Variants in MAGI2 observed in about 807,000 individuals in gnomAD.
MAGI2 encodes the protein membrane-associated guanylate kinase, WW and PDZ domain-containing protein 2.
A neutral mutation model predicts 133.3 loss-of-function variants in MAGI2; 35 were observed. The ratio of observed to expected loss-of-function variants is 0.26; its 90% CI spans 0.20 to 0.35. The LOEUF (loss-of-function observed/expected upper bound fraction) is 0.35. Among genes scored for constraint, MAGI2 ranks in the 10% least tolerant of loss-of-function variants. The probability of loss-of-function intolerance (pLI) is 1.00; values close to 1 mark genes in which losing one functional copy is unlikely to be tolerated. For missense variants in MAGI2, 1,636 were observed against 1,863.4 expected (o/e 0.88, Z 2.25); for synonymous variants, 729 against 710.6 (o/e 1.03, Z -0.41).
In MAGI2 at chr7:78,501,645, C is replaced by T. The variant is rs1794633664; in HGVS notation, c.897G>A (p.Glu299=). 1 of 1,614,162 alleles carries T rather than the reference C, an allele frequency of 6.2e-7. No homozygotes were observed. Among genetic ancestry groups the T allele is most frequent in the Non-Finnish European group, 8.5e-7 (1 of 1,180,034 alleles). The change falls in exon 5 of 22, where the codon GAG becomes GAA. Residue 299 remains glutamate, a synonymous_variant. Transcript: ENST00000354212. ...AGTTATCAGGCAATGGGTCTGGTTCCTCATTGTCTTCAGGTTTAGTTGGCT... is the reference window on the plus strand; with the variant it reads ...AGTTATCAGGCAATGGGTCTGGTTCTTCATTGTCTTCAGGTTTAGTTGGCT... The part of the protein sequence containing the change: ...DTKPTKPEDN[E]EPDPLPDNWE...
At chr7:78,643,276 T>C (rs941792229) in intron 2 of MAGI2, among the ~76,000 whole-genome samples, 1 of 152,194 alleles carries the variant, frequency 6.6e-6, no homozygotes, top group Non-Finnish European at 1.5e-5. Context: ...CACCAAGGAC[T>C]GATATCTTTG....
At chr7:79,232,657 T>C (rs1337877957) in intron 1 of MAGI2, among the ~76,000 whole-genome samples, 135 of 118,790 alleles carry the variant, frequency 1.1e-3, no homozygotes, top group African/African-American at 4.4e-3. Context: ...TATCATTTTT[T>C]ATTGTGTCTA....
intron 6 of MAGI2, chr7:78,487,332 G>A: frequency 5.9e-6 from 1 of 170,376 alleles, no homozygotes; most frequent in Non-Finnish European, 1.2e-5. Context: ...GGGGGTAACT[G>A]GAATAGAGTA....
chr7:78,146,507 T>G (rs1024287701), intron 16 of MAGI2, among the ~76,000 whole-genome samples: 1 of 152,214 alleles, frequency 6.6e-6, no homozygotes, highest in African/African-American at 2.4e-5. Flanking sequence ...TTAAAAGCCC[T>G]GTTGTCACTT....
chr7:79,381,837 T>C (rs1843805089), intron 1 of MAGI2, among the ~76,000 whole-genome samples: 1 of 151,794 alleles, frequency 6.6e-6, no homozygotes, highest in Non-Finnish European at 1.5e-5. Context: ...CTTGCAAATA[T>C]ATCATTGTAT....
chr7:78,346,076 T>G (rs1403306836), intron 7 of MAGI2, 33 bp from the exon 8 acceptor site: 7 of 1,612,078 alleles, frequency 4.3e-6, no homozygotes, highest in African/African-American at 1.3e-5. Context: ...AGGATAACCG[T>G]GGGGCAAAGT....
At chr7:78,910,489 C>T (rs907262926) in intron 2 of MAGI2, among the ~76,000 whole-genome samples, 1 of 152,066 alleles carries the variant, frequency 6.6e-6, no homozygotes, top group Non-Finnish European at 1.5e-5. Context: ...TAACTTGGTT[C>T]TGTGAAATAA....
chr7:78,988,206 A>T (rs561845846), intron 2 of MAGI2, among the ~76,000 whole-genome samples: 1 of 152,224 alleles, frequency 6.6e-6, no homozygotes, highest in African/African-American at 2.4e-5. Context: ...ATCCATGTCC[A>T]GAACTAGTCA....
At chr7:78,309,413 T>C (rs1384194508) in intron 9 of MAGI2, among the ~76,000 whole-genome samples, 1 of 152,198 alleles carries the variant, frequency 6.6e-6, no homozygotes, top group Non-Finnish European at 1.5e-5. Flanking sequence ...TAGAGGGCAT[T>C]ATCCTAAGTG....
chr7:79,294,587 G>A (rs1836764539), intron 1 of MAGI2, among the ~76,000 whole-genome samples: 1 of 152,054 alleles, frequency 6.6e-6, no homozygotes, highest in Non-Finnish European at 1.5e-5. Context: ...TTGGTAGACA[G>A]TCTAGGATAT....
Position 78,536,489 on chromosome 7 carries a change from G to T in MAGI2, c.539-14844C>A, listed in dbSNP as rs35118928. 5.8e-3 allele frequency among the ~76,000 whole-genome samples: 890 copies of T among 152,204 alleles called. 9 individuals are homozygous for T. The highest frequency in any genetic ancestry group is 0.02 in the African/African-American group (820 of 41,524). Reference sequence around the variant, plus strand: ...AGCCCCGGGCAAGGAGAACCTGTTGGGTAGTTACAGCTTGGGCTAGTGGAA... The same window carrying T: ...AGCCCCGGGCAAGGAGAACCTGTTGTGTAGTTACAGCTTGGGCTAGTGGAA... On this transcript the variant is annotated intron_variant, in intron 3 of 21. Transcript: ENST00000354212.
At chr7:79,041,830 A>C (rs1336892523) in intron 1 of MAGI2, among the ~76,000 whole-genome samples, 2 of 152,152 alleles carry the variant, frequency 1.3e-5, no homozygotes, top group African/African-American at 4.8e-5. Flanking sequence ...GCCTCAACTC[A>C]ATATTATACC....
At chr7:78,827,730 G>A (rs1029542044) in intron 2 of MAGI2, among the ~76,000 whole-genome samples, 4 of 151,834 alleles carry the variant, frequency 2.6e-5, no homozygotes, top group Non-Finnish European at 5.9e-5. Flanking sequence ...ACAACCAAAA[G>A]TATAAAATAA....
intron 1 of MAGI2, among the ~76,000 whole-genome samples, chr7:79,278,264 T>C (rs760528696): frequency 2.0e-5 from 3 of 152,152 alleles, no homozygotes; most frequent in Non-Finnish European, 4.4e-5. Flanking sequence ...CCTTCTGCCA[T>C]TAGTAAAAGC....
At chr7:78,457,232 T>C (rs908198527) in intron 6 of MAGI2, among the ~76,000 whole-genome samples, 1 of 152,212 alleles carries the variant, frequency 6.6e-6, no homozygotes, top group African/African-American at 2.4e-5. Flanking sequence ...AGTGTCAAAC[T>C]CAATCCTTCT....
At chr7:78,664,885 C>CG (rs1813376313) in intron 2 of MAGI2, among the ~76,000 whole-genome samples, 1 of 151,896 alleles carries the variant, frequency 6.6e-6, no homozygotes, top group South Asian at 2.1e-4. Flanking sequence ...GTAAAAAATA[C>CG]TAAAAAACAA....
intron 9 of MAGI2, among the ~76,000 whole-genome samples, chr7:78,330,950 A>G (rs1190933441): frequency 2.0e-5 from 3 of 152,204 alleles, no homozygotes; most frequent in Non-Finnish European, 4.4e-5. Context: ...AAGAGTGCAT[A>G]TGGTGCGTAT....
At chr7:79,117,176 A>T (rs1819480112) in intron 1 of MAGI2, among the ~76,000 whole-genome samples, 1 of 152,160 alleles carries the variant, frequency 6.6e-6, no homozygotes, top group Non-Finnish European at 1.5e-5. Context: ...GTTTAATGGA[A>T]ATTTAAATTT....
chr7:78,768,651 A>G (rs980904853), intron 2 of MAGI2, among the ~76,000 whole-genome samples: 1 of 152,324 alleles, frequency 6.6e-6, no homozygotes, highest in Admixed American at 6.5e-5. Context: ...TATTGTACTC[A>G]AGTCTTTCTT....
Sources: allele counts gnomAD v4.1 joint callset (sites outside exome capture counted in the v4.1 genomes callset), GRCh38; gene constraint gnomAD v4.1.1; transcripts MANE v1.5; gene names NCBI Gene and HGNC (gene_info 2026-07-23, HGNC 2026-07-21).